SLC2A14: variants seen among roughly 807,000 people sequenced by gnomAD.
SLC2A14 encodes solute carrier family 2, facilitated glucose transporter member 14.
In SLC2A14, 13 loss-of-function variants were observed where a neutral mutation model predicts 43.0. The ratio of observed to expected loss-of-function variants is 0.30; its 90% CI spans 0.20 to 0.48. The LOEUF (loss-of-function observed/expected upper bound fraction) is 0.48. Ranked by LOEUF, SLC2A14 falls within the 20% of genes least tolerant of loss-of-function variation. The pLI, the probability that SLC2A14 is intolerant of heterozygous loss-of-function variation, is 0.99. For synonymous variants in SLC2A14, 190 were observed against 233.8 expected (o/e 0.81, Z 1.71); for missense variants, 428 against 620.4 (o/e 0.69, Z 3.29).
intron 6 of SLC2A14, among the ~76,000 whole-genome samples, chr12:7,828,383 C>T (rs1476499698): frequency 1.5e-5 from 2 of 137,702 alleles, no homozygotes; most frequent in East Asian, 4.2e-4. Context: ...AAAAAAAGTA[C>T]AAAAGTAGCC....
chr12:7,821,098 A>C, intron 8 of SLC2A14, 123 bp downstream of exon 8: 1 of 739,612 alleles, frequency 1.4e-6, no homozygotes, highest in South Asian at 2.1e-5. Context: ...AAAAATTTAA[A>C]AAAATAAAAA....
intron 1 of SLC2A14, among the ~76,000 whole-genome samples, chr12:7,882,278 C>G (rs926414695): frequency 2.7e-5 from 4 of 149,992 alleles, no homozygotes; most frequent in African/African-American, 7.5e-5. Flanking sequence ...GTAACACTCA[C>G]CGTGAAGGTC....
chr12:7,889,572 G>A (rs1464432965), intron 1 of SLC2A14, among the ~76,000 whole-genome samples: 1 of 146,146 alleles, frequency 6.8e-6, no homozygotes, highest in South Asian at 2.1e-4. Flanking sequence ...TTTTGCTCTT[G>A]TTGCCCAGGC....
At chr12:7,864,659 T>C (rs971701844) in intron 2 of SLC2A14, among the ~76,000 whole-genome samples, 8 of 152,188 alleles carry the variant, frequency 5.3e-5, no homozygotes, top group Non-Finnish European at 1.2e-4. Flanking sequence ...GTTAAGTCTC[T>C]TTTACTATAA....
intron 1 of SLC2A14, among the ~76,000 whole-genome samples, chr12:7,881,542 G>A (rs1442100847): frequency 6.6e-6 from 1 of 152,152 alleles, no homozygotes; most frequent in Non-Finnish European, 1.5e-5. Flanking sequence ...AGGACCTGCA[G>A]CCCGCCATGC....
rs1428707553 is a variant in SLC2A14, at chr12:7,831,659, C to G, written c.217G>C (p.Val73Leu). The change falls in exon 4 of 11, where the codon GTC (valine) becomes CTC (leucine). Residue 73 changes from valine (V) to leucine (L), a missense_variant. Coordinates refer to ENST00000431042, the MANE Select transcript of SLC2A14 (RefSeq NM_001286234.2). ...LWSLSVAIFS[V>L]GGMIGSFSVG... Reference sequence around the variant, plus strand: ...GAAAAGGAGCCGATCATACCCCCGACGGAAAATATGGCCACAGACAAGGAC... The same window carrying G: ...GAAAAGGAGCCGATCATACCCCCGAGGGAAAATATGGCCACAGACAAGGAC... 6.2e-7 allele frequency: 1 copy of G among 1,614,192 alleles called. No homozygotes were observed. Among genetic ancestry groups the G allele is most frequent in the East Asian group, 2.2e-5 (1 of 44,890 alleles).
At chr12:7,867,473 C>T (rs1483513323) in intron 2 of SLC2A14, among the ~76,000 whole-genome samples, 1 of 151,894 alleles carries the variant, frequency 6.6e-6, no homozygotes, top group Non-Finnish European at 1.5e-5. Flanking sequence ...AGAAGTGGAA[C>T]CCGAAGATGA....
In SLC2A14 at chr12:7,826,857, T is replaced by A. The variant is rs57491592; in HGVS notation, c.864+638A>T. On this transcript the variant is annotated intron_variant, in intron 7 of 10. Transcript: ENST00000431042. ...TCTTTCCTTCCTTCCTTCCTTCCTT[T>A]CTTTTTTCTTTCTTTCTTTCTTTCT... 2.7e-5 allele frequency among the ~76,000 whole-genome samples: 2 copies of A among 75,030 alleles called. 1 individual carries two copies. Among genetic ancestry groups the A allele is most frequent in the Non-Finnish European group, 5.3e-5 (2 of 37,534 alleles). 49.2% of individuals were successfully genotyped at this position (75,030 alleles called of 152,430 possible).
intron 1 of SLC2A14, chr12:7,871,982 G>GA (rs897275238): frequency 3.5e-5 from 28 of 806,844 alleles, no homozygotes; most frequent in East Asian, 1.3e-4. Context: ...AAAAGAAAAA[G>GA]AAAAAAAAAG....
intron 2 of SLC2A14, among the ~76,000 whole-genome samples, chr12:7,864,025 C>CT (rs2121018610): frequency 6.6e-6 from 1 of 151,850 alleles, no homozygotes; most frequent in African/African-American, 2.4e-5. Flanking sequence ...ACTGTGGTAG[C>CT]CAGGATGGTC....
chr12:7,818,151 G>A (rs1384591532), intron 9 of SLC2A14, 117 bp from the exon 10 acceptor site: 3 of 890,898 alleles, frequency 3.4e-6, no homozygotes, highest in Non-Finnish European at 5.1e-6. Context: ...ACAAAGAGTG[G>A]CTGTGGAATC....
At chr12:7,844,408 T>G (rs898848989) in intron 2 of SLC2A14, among the ~76,000 whole-genome samples, 8 of 152,168 alleles carry the variant, frequency 5.3e-5, no homozygotes, top group African/African-American at 1.9e-4. Flanking sequence ...TGCATCATTG[T>G]TTCCAGTTCG....
chr12:7,839,750 C>A, intron 2 of SLC2A14: 1 of 436,404 alleles, frequency 2.3e-6, no homozygotes, highest in South Asian at 1.6e-5. Context: ...GAGGGCTCTG[C>A]CTCCATGGAG....
intron 2 of SLC2A14, among the ~76,000 whole-genome samples, chr12:7,839,183 T>C (rs1241729810): frequency 1.4e-5 from 2 of 145,864 alleles, no homozygotes; most frequent in East Asian, 2.0e-4. Flanking sequence ...GAAGAAAATA[T>C]CAAGGTAAGG....
Position 7,823,004 on chromosome 12 carries a change from T to C in SLC2A14, c.865-1679A>G, listed in dbSNP as rs756328615. On this transcript the variant is annotated intron_variant, in intron 7 of 10. Transcript: ENST00000431042. Reference sequence around the variant, plus strand: ...AGGCCTAGGCCCTTTTGAAGTGTTTTATGAAATAATACCAGCTACTATTGC... The same window carrying C: ...AGGCCTAGGCCCTTTTGAAGTGTTTCATGAAATAATACCAGCTACTATTGC... Among the ~76,000 whole-genome samples the C allele has an allele frequency of 6.6e-5, 10 of 152,344 alleles. No individual in the cohort carries two copies. In the South Asian group the frequency reaches 2.1e-3, roughly 32 times the overall value.
intron 1 of SLC2A14, among the ~76,000 whole-genome samples, chr12:7,883,777 G>A (rs1404058118): frequency 2.0e-5 from 3 of 148,044 alleles, no homozygotes; most frequent in African/African-American, 5.0e-5. Context: ...TAGAGACAAG[G>A]TTTCACCATG....
intron 2 of SLC2A14, among the ~76,000 whole-genome samples, chr12:7,840,160 CTTTTTTTTTTTTTT>C (rs58740298): frequency 5.4e-4 from 37 of 68,788 alleles, no homozygotes; most frequent in South Asian, 2.3e-3. Flanking sequence ...GAGTTTGCTC[CTTTTTTTTTTTTTT>C]TTTTTTTTTT....
At chr12:7,862,088 ACC>A (rs1944595100) in intron 2 of SLC2A14, among the ~76,000 whole-genome samples, 1 of 151,238 alleles carries the variant, frequency 6.6e-6, no homozygotes, top group South Asian at 2.1e-4. Flanking sequence ...ACATGGTGAA[ACC>A]CCGTCTCTAC....
chr12:7,885,931 A>G (rs1458186925), intron 1 of SLC2A14, among the ~76,000 whole-genome samples: 1 of 152,056 alleles, frequency 6.6e-6, no homozygotes, highest in African/African-American at 2.4e-5. Flanking sequence ...ATAGATACAT[A>G]TGTGAAGATT....
Sources: allele counts gnomAD v4.1 joint callset (sites outside exome capture counted in the v4.1 genomes callset), GRCh38; gene constraint gnomAD v4.1.1; transcripts MANE v1.5; gene names NCBI Gene and HGNC (gene_info 2026-07-23, HGNC 2026-07-21).